PRKRA: variants seen among roughly 807,000 people sequenced by gnomAD.
PRKRA encodes interferon-inducible double-stranded RNA-dependent protein kinase activator A.
A neutral mutation model predicts 32.4 loss-of-function variants in PRKRA; 22 were observed. That is an observed-to-expected ratio of 0.68 (90% CI 0.49 to 0.97). PRKRA has a LOEUF of 0.97. Ranked by LOEUF, PRKRA falls within the 50% of genes least tolerant of loss-of-function variation. The pLI is 0.00. For missense variants in PRKRA, 319 were observed against 375.6 expected (o/e 0.85, Z 1.25); for synonymous variants, 139 against 129.8 (o/e 1.07, Z -0.48).
chr2:178,447,676 A>G, intron 2 of PRKRA, 90 bp from the exon 3 acceptor site: 1 of 1,463,192 alleles, frequency 6.8e-7, no homozygotes, highest in Non-Finnish European at 9.5e-7. Context: ...CAAAGTCACT[A>G]TAGATTTTAC....
At chr2:178,447,115 T>G (rs896151581) in intron 3 of PRKRA, among the ~76,000 whole-genome samples, 6 of 152,234 alleles carry the variant, frequency 3.9e-5, no homozygotes, top group African/African-American at 1.4e-4. Context: ...TGCCTGCTTC[T>G]TCAAAATTAG....
At chr2:178,447,088 T>C (rs1697347158) in intron 3 of PRKRA, among the ~76,000 whole-genome samples, 1 of 151,394 alleles carries the variant, frequency 6.6e-6, no homozygotes, top group Non-Finnish European at 1.5e-5. Context: ...ATACATTATA[T>C]AATAAAAGAA....
At chr2:178,450,212 C>A in intron 2 of PRKRA, 30 bp downstream of exon 2, 2 of 841,706 alleles carry the variant, frequency 2.4e-6, no homozygotes, top group Non-Finnish European at 3.4e-6. Flanking sequence ...CCAACCCACT[C>A]GGTCATCCAG....
intron 4 of PRKRA, chr2:178,443,601 G>A (rs763803590): frequency 2.2e-5 from 10 of 464,028 alleles, no homozygotes; most frequent in African/African-American, 4.0e-5. Context: ...TTTGTGCTAC[G>A]AATGGTGTTC....
chr2:178,436,643 C>A (rs953664305), intron 6 of PRKRA, among the ~76,000 whole-genome samples: 1 of 151,878 alleles, frequency 6.6e-6, no homozygotes, highest in African/African-American at 2.4e-5. Flanking sequence ...TAAGTAAATC[C>A]ACAAATAATT....
At chr2:178,442,357 T>G (rs1697149575) in intron 5 of PRKRA, among the ~76,000 whole-genome samples, 1 of 152,254 alleles carries the variant, frequency 6.6e-6, no homozygotes, top group Admixed American at 6.5e-5. Context: ...ATCTGAATTA[T>G]AACTCCTCTC....
chr2:178,432,286 T>C (rs1401217833), intron 7 of PRKRA, 32 bp from the exon 8 acceptor site: 3 of 1,613,576 alleles, frequency 1.9e-6, no homozygotes, highest in African/African-American at 2.7e-5. Context: ...TGACGATTAA[T>C]GTCCAATATG....
rs776769319 is a variant in PRKRA at position 178,441,707 on chromosome 2, G to GTTTCC, written c.515-4_515-3insGGAAA. 10 of 1,594,914 alleles carry GTTTCC rather than the reference G, an allele frequency of 6.3e-6. No individual in the cohort carries two copies. The highest frequency in any genetic ancestry group is 1.3e-5 in the African/African-American group (1 of 74,326). The stretch of plus-strand genomic sequence containing the variant: ...TTGCTTTTTTGATGCCCCCTTTCCT[G>GTTTCC]AACAAAGAAAAAGAAATGGTAGATT... On this transcript the variant is annotated splice_polypyrimidine_tract_variant and splice_region_variant and intron_variant, in intron 5 of 7. Transcript: ENST00000325748.
intron 6 of PRKRA, among the ~76,000 whole-genome samples, chr2:178,437,137 G>A (rs1696931894): frequency 6.6e-6 from 1 of 152,084 alleles, no homozygotes; most frequent in Non-Finnish European, 1.5e-5. Flanking sequence ...GAGATGGCAT[G>A]ATATGGAATT....
At position 178,432,059 on chromosome 2, in the gene PRKRA, T is replaced by C. The variant is rs766587254; in HGVS notation, c.*38A>G. ...TGGGAAGGGGCCAGAGGGGAACTTT[T>C]TATGTGCTACTGAAAGATTTTTTAA... On this transcript the variant is annotated 3_prime_UTR_variant, in exon 8 of 8. Transcript: ENST00000325748. 4 of 1,610,998 alleles carry C rather than the reference T, an allele frequency of 2.5e-6. No homozygotes were observed. The highest frequency in any genetic ancestry group is 2.2e-5 in the East Asian group (1 of 44,860).
At chr2:178,450,836 C>A in intron 1 of PRKRA, 130 bp downstream of exon 1, 2 of 1,373,106 alleles carry the variant, frequency 1.5e-6, no homozygotes, top group African/African-American at 1.5e-5. Context: ...GGGCCGAGCA[C>A]CCACAGCCGC....
chr2:178,441,498 G>GA (rs1697112071), intron 6 of PRKRA, 112 bp downstream of exon 6: 1 of 772,616 alleles, frequency 1.3e-6, no homozygotes, highest in African/African-American at 1.8e-5. Context: ...ATAATGAAGA[G>GA]ATTTCTAAAA....
chr2:178,444,562 ACAAG>A, intron 3 of PRKRA, 62 bp from the exon 4 acceptor site: 3 of 1,039,380 alleles, frequency 2.9e-6, no homozygotes, highest in Non-Finnish European at 4.0e-6. Context: ...GAAATAAATG[ACAAG>A]CATTTTCTAA....
At chr2:178,438,246 T>C (rs1349532439) in intron 6 of PRKRA, among the ~76,000 whole-genome samples, 2 of 152,220 alleles carry the variant, frequency 1.3e-5, no homozygotes, top group African/African-American at 4.8e-5. Context: ...CTGTTTCAAA[T>C]TTTTATGTTC....
At chr2:178,450,734 G>A in intron 1 of PRKRA, 2 of 1,366,036 alleles carry the variant, frequency 1.5e-6, no homozygotes, top group Non-Finnish European at 1.9e-6. Flanking sequence ...CGCGCCGACC[G>A]AGCGTCACCT....
chr2:178,439,885 A>T lies in PRKRA; in HGVS notation c.609+1725T>A, dbSNP rs75178939. The T allele has an allele frequency of 1.7e-3, 258 of 152,222 alleles. 2 individuals carry two copies. The highest frequency in any genetic ancestry group is 5.9e-3 in the African/African-American group (247 of 41,540). The allele number at this position is 152,222 out of a possible 1,614,324, so 9.4% of individuals were successfully genotyped here. On this transcript the variant is annotated intron_variant, in intron 6 of 7. Coordinates refer to ENST00000325748, the MANE Select transcript of PRKRA (RefSeq NM_003690.5). ...AAATAGTCTTAGTTAAATAAACCCT[A>T]CTTGTCAATGCTATATCATTATTTT...
chr2:178,444,589 G>A (rs1697247429), intron 3 of PRKRA, 89 bp from the exon 4 acceptor site: 1 of 792,650 alleles, frequency 1.3e-6, no homozygotes, highest in Admixed American at 2.6e-5. Flanking sequence ...AACTCTCTAT[G>A]TCTTTGCTCT....
rs576120869 is a variant in PRKRA, at chr2:178,449,110, A to G, written c.235+1132T>C. 2.0e-5 allele frequency among the ~76,000 whole-genome samples: 3 copies of G among 152,334 alleles called. No homozygotes were observed. In the South Asian group the frequency reaches 6.2e-4, roughly 32 times the overall value. ...GGCAGATAAGCTTGCACAGGAAGCC[A>G]TGGTAGTGTGAGAAGAGGGCGTAGG... On this transcript the variant is annotated intron_variant, in intron 2 of 7. Coordinates refer to ENST00000325748, the MANE Select transcript of PRKRA (RefSeq NM_003690.5).
chr2:178,447,456 C>T (rs1697363380), intron 3 of PRKRA, 49 bp downstream of exon 3: 5 of 1,613,618 alleles, frequency 3.1e-6, no homozygotes, highest in Middle Eastern at 1.7e-4. Flanking sequence ...TTAATCTTAC[C>T]TCAGCCATGA....
Sources: gnomAD v4.1 joint callset for allele counts (sites outside exome capture counted in the v4.1 genomes callset) on GRCh38, gnomAD v4.1.1 for gene constraint, MANE v1.5 for transcripts, NCBI Gene and HGNC (gene_info 2026-07-23, HGNC 2026-07-21) for gene names.